JMJD1C: variants seen among roughly 807,000 people sequenced by gnomAD.
JMJD1C encodes the protein jumonji domain containing 1C.
JMJD1C carries 31 observed loss-of-function variants against 245.3 expected under a neutral mutation model. The observed-to-expected ratio is 0.13, with a 90% CI of 0.09 to 0.17. The LOEUF is 0.17. Among genes scored for constraint, JMJD1C ranks in the 10% least tolerant of loss-of-function variants. The probability of loss-of-function intolerance (pLI) is 1.00; values close to 1 mark genes in which losing one functional copy is unlikely to be tolerated. For missense variants in JMJD1C, 2,691 were observed against 3,000.2 expected (o/e 0.90, Z 2.41); for synonymous variants, 1,057 against 1,017.4 (o/e 1.04, Z -0.74).
At chr10:63,423,175 G>T (rs1950228571) in intron 1 of JMJD1C, among the ~76,000 whole-genome samples, 1 of 152,096 alleles carries the variant, frequency 6.6e-6, no homozygotes, top group South Asian at 2.1e-4. Context: ...ATGTTAGCCA[G>T]GCTGTTCTTA....
intron 2 of JMJD1C, among the ~76,000 whole-genome samples, chr10:63,349,932 G>A (rs1331042688): frequency 6.6e-6 from 1 of 151,626 alleles, no homozygotes; most frequent in Non-Finnish European, 1.5e-5. Flanking sequence ...AAAACTTTAG[G>A]GTTTTTAAAA....
intron 1 of JMJD1C, chr10:63,382,719 T>G (rs1241544635): frequency 2.2e-6 from 1 of 452,586 alleles, no homozygotes; most frequent in Admixed American, 2.4e-5. Flanking sequence ...CTCCCCTACT[T>G]TCATTCTTTT....
chr10:63,228,211 A>T (rs1322868443), intron 3 of JMJD1C, among the ~76,000 whole-genome samples: 1 of 152,234 alleles, frequency 6.6e-6, no homozygotes, highest in Non-Finnish European at 1.5e-5. Context: ...AAAGTAGCTA[A>T]AAAAATACCA....
chr10:63,328,205 T>C (rs1033895286), intron 2 of JMJD1C, among the ~76,000 whole-genome samples: 2 of 151,724 alleles, frequency 1.3e-5, no homozygotes, highest in Non-Finnish European at 2.9e-5. Context: ...AACCCCGAAG[T>C]TGGAGGTTAC....
upstream of JMJD1C, among the ~76,000 whole-genome samples, chr10:63,468,447 C>A (rs755104749): frequency 6.6e-6 from 1 of 151,922 alleles, no homozygotes; most frequent in Non-Finnish European, 1.5e-5. Flanking sequence ...TTGTAAATAA[C>A]AAGGAATTTA....
chr10:63,486,759 C>T (rs546014873), intron 1 of JMJD1C, among the ~76,000 whole-genome samples: 2 of 152,220 alleles, frequency 1.3e-5, no homozygotes, highest in South Asian at 4.1e-4. Flanking sequence ...CCTCACTTTC[C>T]TCAGAAATCT....
At chr10:63,333,759 T>C (rs1942407025) in intron 2 of JMJD1C, among the ~76,000 whole-genome samples, 1 of 152,210 alleles carries the variant, frequency 6.6e-6, no homozygotes. Flanking sequence ...AAAAGGCTTC[T>C]ACACTATCTC....
chr10:63,360,910 A>G (rs944021325), intron 2 of JMJD1C, among the ~76,000 whole-genome samples: 5 of 152,068 alleles, frequency 3.3e-5, no homozygotes, highest in Non-Finnish European at 5.9e-5. Context: ...TCAGCCTCCC[A>G]GGTAGCTGGG....
rs762282212 is a variant in JMJD1C at position 63,194,277 on chromosome 10, T to C, written c.5734+9A>G. 9.6e-6 allele frequency: 15 copies of C among 1,566,528 alleles called. No homozygotes were observed. Among genetic ancestry groups the C allele is most frequent in the Non-Finnish European group, 1.2e-5 (14 of 1,136,864 alleles). On this transcript the variant is annotated intron_variant, in intron 14 of 25. Transcript: ENST00000399262. ...GAGCAGTTATATTACATGAAGAAGA[T>C]ATACTTACCAGAACCAGGTATAATT...
At position 63,222,907 on chromosome 10, in the gene JMJD1C, G is replaced by A. The variant is rs553652375; in HGVS notation, c.448-2924C>T. On this transcript the variant is annotated intron_variant, in intron 3 of 25. Transcript: ENST00000399262. The stretch of plus-strand genomic sequence containing the variant: ...CTACCAAAAAGAAGTGGGAAAGTGG[G>A]CACTGCTTAAAAGACAGAAATGAAC... 10 of 1,498,384 alleles carry A rather than the reference G, an allele frequency of 6.7e-6. No individual in the cohort carries two copies. In the South Asian group the frequency reaches 1.1e-4, roughly 17 times the overall value. The allele number at this position is 1,498,384 out of a possible 1,614,324, so 92.8% of individuals were successfully genotyped here. A position where few individuals can be genotyped will look rare whatever the true frequency, so the allele number is the denominator to read the frequency against.
intron 1 of JMJD1C, among the ~76,000 whole-genome samples, chr10:63,393,877 G>A (rs1355422456): frequency 6.6e-6 from 1 of 152,084 alleles, no homozygotes; most frequent in East Asian, 1.9e-4. Flanking sequence ...TTTGAAGACT[G>A]CATATAAAGC....
chr10:63,175,701 G>C (rs969833657), intron 24 of JMJD1C, among the ~76,000 whole-genome samples: 2 of 152,084 alleles, frequency 1.3e-5, no homozygotes, highest in Admixed American at 6.6e-5. Flanking sequence ...TAATTTTAAG[G>C]GTTAACCTGG....
In JMJD1C at chr10:63,414,044, T is replaced by C. The variant is rs562499955; in HGVS notation, c.169-33562A>G. On this transcript the variant is annotated intron_variant, in intron 1 of 25. Transcript: ENST00000399262. ...CACTGTCGACCAGGCTGGAGTGCAG[T>C]GGTGCGATCTTGGCTCACTGCAAGC... is the stretch of plus-strand genomic sequence containing the variant. 1.1e-3 allele frequency among the ~76,000 whole-genome samples: 159 copies of C among 150,334 alleles called. 1 individual carries two copies. Among genetic ancestry groups the C allele is most frequent in the African/African-American group, 3.8e-3 (154 of 40,472 alleles).
At chr10:63,456,940 C>T (rs911269098) in intron 1 of JMJD1C, among the ~76,000 whole-genome samples, 2 of 152,146 alleles carry the variant, frequency 1.3e-5, no homozygotes, top group Non-Finnish European at 2.9e-5. Flanking sequence ...AAGATAAAAA[C>T]TTCTCAAAAT....
At chr10:63,250,107 G>A (rs2133614599) in intron 3 of JMJD1C, among the ~76,000 whole-genome samples, 1 of 151,868 alleles carries the variant, frequency 6.6e-6, no homozygotes, top group African/African-American at 2.4e-5. Context: ...CAACTCCTGG[G>A]GCACAAGTGA....
At chr10:63,516,952 G>C (rs74137768) in intron 1 of JMJD1C, among the ~76,000 whole-genome samples, 1 of 152,106 alleles carries the variant, frequency 6.6e-6, no homozygotes, top group Non-Finnish European at 1.5e-5. Flanking sequence ...AGAGAAAAGA[G>C]GTATCCATCT....
At chr10:63,503,412 T>C (rs1490178210) in intron 1 of JMJD1C, among the ~76,000 whole-genome samples, 1 of 152,178 alleles carries the variant, frequency 6.6e-6, no homozygotes, top group African/African-American at 2.4e-5. Flanking sequence ...TAGTGTGAAA[T>C]TAATAGTGGA....
At chr10:63,297,734 G>A (rs569655406) in intron 2 of JMJD1C, among the ~76,000 whole-genome samples, 3 of 152,232 alleles carry the variant, frequency 2.0e-5, no homozygotes, top group African/African-American at 4.8e-5. Context: ...CAACAGGGCC[G>A]GGCCAGCCCA....
At chr10:63,301,819 T>C (rs1286443109) in intron 2 of JMJD1C, 1 of 413,998 alleles carries the variant, frequency 2.4e-6, no homozygotes, top group Non-Finnish European at 4.8e-6. Flanking sequence ...AAAGTAAAAT[T>C]AAAAATAAAA....
Sources: gnomAD v4.1 joint callset for allele counts (sites outside exome capture counted in the v4.1 genomes callset) on GRCh38, gnomAD v4.1.1 for gene constraint, MANE v1.5 for transcripts, NCBI Gene and HGNC (gene_info 2026-07-23, HGNC 2026-07-21) for gene names.